Variants in TSC22D1 observed in about 807,000 individuals in gnomAD.
The protein encoded by TSC22D1 is TSC22 domain family member 1.
In TSC22D1, 9 loss-of-function variants were observed where a neutral mutation model predicts 74.2. The observed-to-expected ratio is 0.12, with a 90% confidence interval of 0.07 to 0.21. TSC22D1 has a LOEUF of 0.21. TSC22D1 is among the 10% of genes least tolerant of loss of function. The probability of loss-of-function intolerance (pLI) is 1.00; values close to 1 mark genes in which losing one functional copy is unlikely to be tolerated. For missense variants in TSC22D1, 1,427 were observed against 1,304.7 expected (o/e 1.09, Z -1.44); for synonymous variants, 586 against 492.5 (o/e 1.19, Z -2.51).
chr13:44,437,679 T>TG (rs1874835789), intron 1 of TSC22D1, among the ~76,000 whole-genome samples: 2 of 152,162 alleles, frequency 1.3e-5, no homozygotes, highest in Non-Finnish European at 2.9e-5. Context: ...CATAAATCTA[T>TG]TTTTAGTTAA....
intron 1 of TSC22D1, among the ~76,000 whole-genome samples, chr13:44,563,459 C>A (rs1883176311): frequency 1.3e-5 from 2 of 152,216 alleles, no homozygotes; most frequent in Admixed American, 1.3e-4. Context: ...ATCCAAACTA[C>A]AGATTCCTTT....
At chr13:44,551,507 G>T (rs755349549) in intron 1 of TSC22D1, among the ~76,000 whole-genome samples, 2 of 151,460 alleles carry the variant, frequency 1.3e-5, no homozygotes, top group African/African-American at 2.4e-5. Context: ...TGCAAACTCT[G>T]CCTCCCAGGT....
intron 1 of TSC22D1, among the ~76,000 whole-genome samples, chr13:44,545,082 T>TC (rs1881733014): frequency 6.6e-6 from 1 of 152,152 alleles, no homozygotes; most frequent in Non-Finnish European, 1.5e-5. Flanking sequence ...ACGCCTGAAA[T>TC]CTCAGCACTT....
At chr13:44,448,819 T>C (rs1295913945) in intron 1 of TSC22D1, among the ~76,000 whole-genome samples, 1 of 152,128 alleles carries the variant, frequency 6.6e-6, no homozygotes, top group Non-Finnish European at 1.5e-5. Context: ...TCATCAACTG[T>C]TGGATGGAGC....
chr13:44,446,820 G>A (rs1875704472), intron 1 of TSC22D1, among the ~76,000 whole-genome samples: 1 of 143,170 alleles, frequency 7.0e-6, no homozygotes, highest in South Asian at 2.3e-4. Context: ...AGGAAGAGGA[G>A]GAGGAAGAAG....
chr13:44,532,785 C>T (rs972686951), intron 1 of TSC22D1, among the ~76,000 whole-genome samples: 1 of 152,140 alleles, frequency 6.6e-6, no homozygotes, highest in Non-Finnish European at 1.5e-5. Flanking sequence ...TCTACAAAAT[C>T]TTTAAGGATC....
At chr13:44,455,034 C>T (rs1325787742) in intron 1 of TSC22D1, among the ~76,000 whole-genome samples, 2 of 152,164 alleles carry the variant, frequency 1.3e-5, no homozygotes, top group Non-Finnish European at 2.9e-5. Flanking sequence ...AAGTCTCTGT[C>T]TTCCTGAAAC....
At chr13:44,547,662 A>AG (rs1338767625) in intron 1 of TSC22D1, among the ~76,000 whole-genome samples, 1 of 152,238 alleles carries the variant, frequency 6.6e-6, no homozygotes, top group Non-Finnish European at 1.5e-5. Context: ...AAAATTCAAG[A>AG]GATAAACTCC....
intron 1 of TSC22D1, chr13:44,539,942 T>C (rs1881366452): frequency 7.8e-7 from 1 of 1,288,162 alleles, no homozygotes; most frequent in East Asian, 5.5e-5. Context: ...GAGAGCTGAA[T>C]ATAGATTTAA....
At chr13:44,436,566 A>C in intron 1 of TSC22D1, 1 of 1,614,216 alleles carries the variant, frequency 6.2e-7, no homozygotes, top group Non-Finnish European at 8.5e-7. Context: ...AAGAAATTGA[A>C]AAATGTCTCA....
At chr13:44,533,802 A>C (rs1880990967) in intron 1 of TSC22D1, among the ~76,000 whole-genome samples, 1 of 152,172 alleles carries the variant, frequency 6.6e-6, no homozygotes, top group Admixed American at 6.5e-5. Context: ...ACAAACAAAC[A>C]AACAAAAATA....
intron 1 of TSC22D1, among the ~76,000 whole-genome samples, chr13:44,478,894 AGTGT>A (rs60733643): frequency 4.2e-4 from 63 of 150,156 alleles, no homozygotes; most frequent in Admixed American, 1.2e-3. Flanking sequence ...ACACACAGGT[AGTGT>A]GTGTGTGTGT....
Position 44,512,097 on chromosome 13 carries a change from T to C in TSC22D1, c.2912+61066A>G, listed in dbSNP as rs78458877. ...TTCATTTCAGAATTGTATCCCAATC[T>C]TCAAACTCAAATTTGAACGCCCACT... On this transcript the variant is annotated intron_variant, in intron 1 of 2. Transcript: ENST00000458659. Among the ~76,000 whole-genome samples, 168 of 152,334 alleles carry C rather than the reference T, an allele frequency of 1.1e-3. 1 individual carries two copies. Among genetic ancestry groups the C allele is most frequent in the African/African-American group, 3.9e-3 (162 of 41,576 alleles).
chr13:44,551,504 T>TCTGC (rs1882272429), intron 1 of TSC22D1, among the ~76,000 whole-genome samples: 1 of 151,748 alleles, frequency 6.6e-6, no homozygotes, highest in Non-Finnish European at 1.5e-5. Flanking sequence ...CACTGCAAAC[T>TCTGC]CTGCCTCCCA....
intron 1 of TSC22D1, among the ~76,000 whole-genome samples, chr13:44,555,749 C>CAA (rs572955074): frequency 1.4e-5 from 2 of 139,480 alleles, no homozygotes; most frequent in Non-Finnish European, 3.1e-5. Context: ...ATTAAAATAC[C>CAA]AAAAAAAAAA....
chr13:44,575,780 CAAG>C lies in TSC22D1; in HGVS notation c.292_294del (p.Leu98del), dbSNP rs1884179436. ...TTTTTCATTTGAGTTCCGCCTGGCG[CAAG>C]AGGCTGTGCCTGCAGCTGAGCCTGC... is the stretch of plus-strand genomic sequence containing the variant. On this transcript the variant is annotated inframe_deletion, in exon 1 of 3. Coordinates refer to ENST00000458659, the MANE Select transcript of TSC22D1 (RefSeq NM_183422.4). 6.2e-7 allele frequency: 1 copy of C among 1,614,064 alleles called. No individual in the cohort carries two copies. The highest frequency in any genetic ancestry group is 1.1e-5 in the South Asian group (1 of 91,086).
chr13:44,488,949 G>A (rs1302876855), intron 1 of TSC22D1, among the ~76,000 whole-genome samples: 2 of 152,082 alleles, frequency 1.3e-5, no homozygotes, highest in African/African-American at 4.8e-5. Flanking sequence ...CATAAAATTT[G>A]TATGGAAGAC....
At chr13:44,468,251 T>C (rs1382332255) in intron 1 of TSC22D1, among the ~76,000 whole-genome samples, 1 of 152,092 alleles carries the variant, frequency 6.6e-6, no homozygotes, top group East Asian at 1.9e-4. Flanking sequence ...GGGTGAGGGA[T>C]AGAAAATCAC....
chr13:44,474,795 A>C (rs1486301030), intron 1 of TSC22D1, among the ~76,000 whole-genome samples: 1 of 152,066 alleles, frequency 6.6e-6, no homozygotes, highest in African/African-American at 2.4e-5. Context: ...AGGAAAGGGA[A>C]GAAAAACTAA....
Sources: gnomAD v4.1 joint callset for allele counts (sites outside exome capture counted in the v4.1 genomes callset) on GRCh38, gnomAD v4.1.1 for gene constraint, MANE v1.5 for transcripts, NCBI Gene and HGNC (gene_info 2026-07-23, HGNC 2026-07-21) for gene names.